EFCAB11: variants seen among roughly 807,000 people sequenced by gnomAD.
EFCAB11 encodes the protein EF-hand calcium binding domain 11.
EFCAB11 carries 14 observed loss-of-function variants against 23.0 expected under a neutral mutation model. The observed-to-expected ratio is 0.61, with a 90% confidence interval of 0.40 to 0.95. The LOEUF (loss-of-function observed/expected upper bound fraction) is 0.95, where lower values mean the gene tolerates loss of function less well. Ranked by LOEUF, EFCAB11 falls within the 40% of genes least tolerant of loss-of-function variation. EFCAB11 has a pLI of 0.00. For synonymous variants in EFCAB11, 65 were observed against 66.6 expected (o/e 0.98, Z 0.11); for missense variants, 198 against 195.8 (o/e 1.01, Z -0.07).
intron 5 of EFCAB11, among the ~76,000 whole-genome samples, chr14:89,922,166 ATATATG>A (rs1890038860): frequency 2.0e-5 from 3 of 152,362 alleles, no homozygotes; most frequent in South Asian, 4.1e-4. Context: ...ATATTCAGCC[ATATATG>A]TAGATGAGGA....
intron 5 of EFCAB11, among the ~76,000 whole-genome samples, chr14:89,815,457 T>G (rs1161805412): frequency 1.3e-5 from 2 of 152,056 alleles, no homozygotes; most frequent in African/African-American, 4.8e-5. Context: ...GACGGAATCT[T>G]GTTCTGTCGC....
chr14:89,880,765 T>C (rs1888574218), intron 5 of EFCAB11, among the ~76,000 whole-genome samples: 2 of 152,212 alleles, frequency 1.3e-5, no homozygotes, highest in Admixed American at 1.3e-4. Context: ...TGCTTGGTAC[T>C]TATCTTGGTT....
At chr14:89,895,676 A>G (rs1889130148) in intron 5 of EFCAB11, among the ~76,000 whole-genome samples, 1 of 152,248 alleles carries the variant, frequency 6.6e-6, no homozygotes, top group Non-Finnish European at 1.5e-5. Flanking sequence ...TTTAATTTTC[A>G]AGAGCAAAAC....
At chr14:89,846,937 T>G (rs1887448976) in intron 5 of EFCAB11, among the ~76,000 whole-genome samples, 1 of 152,226 alleles carries the variant, frequency 6.6e-6, no homozygotes, top group Non-Finnish European at 1.5e-5. Flanking sequence ...AGGGTCTTGC[T>G]TTCTTCAATC....
intron 5 of EFCAB11, among the ~76,000 whole-genome samples, chr14:89,818,554 T>C (rs900242615): frequency 6.6e-6 from 1 of 152,176 alleles, no homozygotes; most frequent in African/African-American, 2.4e-5. Flanking sequence ...AAAGAAAATA[T>C]ATTTTAAAAA....
intron 3 of EFCAB11, chr14:89,938,123 G>A (rs1890655482): frequency 6.6e-6 from 1 of 152,150 alleles, no homozygotes; most frequent in Non-Finnish European, 1.5e-5. Context: ...AAGGAGTCTA[G>A]CATCTGGCTA....
At chr14:89,934,489 T>C (rs1182745723) in intron 3 of EFCAB11, among the ~76,000 whole-genome samples, 1 of 152,162 alleles carries the variant, frequency 6.6e-6, no homozygotes, top group Non-Finnish European at 1.5e-5. Context: ...AGAGTTGCCA[T>C]TCAGCTGTGT....
At chr14:89,891,627 G>A (rs1387815116) in intron 5 of EFCAB11, among the ~76,000 whole-genome samples, 2 of 152,116 alleles carry the variant, frequency 1.3e-5, no homozygotes, top group Non-Finnish European at 2.9e-5. Flanking sequence ...TATGAGGCCA[G>A]TATAAGCTTG....
chr14:89,854,461 G>A (rs1392878223), intron 5 of EFCAB11, among the ~76,000 whole-genome samples: 3 of 152,008 alleles, frequency 2.0e-5, no homozygotes, highest in African/African-American at 7.2e-5. Context: ...CAACAAAGCC[G>A]CACACAGCCA....
intron 5 of EFCAB11, among the ~76,000 whole-genome samples, chr14:89,850,576 T>C (rs565772604): frequency 1.1e-3 from 173 of 152,346 alleles, no homozygotes; most frequent in African/African-American, 3.6e-3. Context: ...AACTAATAGA[T>C]GATTAAAAAC....
chr14:89,839,961 GA>G (rs1887205602), intron 5 of EFCAB11, among the ~76,000 whole-genome samples: 1 of 152,138 alleles, frequency 6.6e-6, no homozygotes, highest in African/African-American at 2.4e-5. Flanking sequence ...ATTACAACTG[GA>G]TATGAGATGA....
chr14:89,935,562 C>G (rs1052365205), intron 3 of EFCAB11, among the ~76,000 whole-genome samples: 1 of 152,146 alleles, frequency 6.6e-6, no homozygotes, highest in Non-Finnish European at 1.5e-5. Flanking sequence ...AAGGCATATG[C>G]CACCATGCCA....
chr14:89,864,433 CT>C (rs557612337), intron 5 of EFCAB11, among the ~76,000 whole-genome samples: 2 of 150,646 alleles, frequency 1.3e-5, no homozygotes, highest in African/African-American at 4.9e-5. Context: ...TGTTTCCTTC[CT>C]TTTTTTTTCA....
intron 5 of EFCAB11, among the ~76,000 whole-genome samples, chr14:89,885,727 A>AAGAG (rs1187450448): frequency 7.3e-6 from 1 of 137,764 alleles, no homozygotes; most frequent in African/African-American, 2.7e-5. Context: ...GAGAGAGAGA[A>AAGAG]AGAGAGAGAG....
chr14:89,845,934 C>A (rs1887417983), intron 5 of EFCAB11, among the ~76,000 whole-genome samples: 1 of 152,184 alleles, frequency 6.6e-6, no homozygotes, highest in Non-Finnish European at 1.5e-5. Flanking sequence ...CCAGCATCGA[C>A]AGACAGTTTT....
chr14:89,819,303 A>G (rs2140099460), intron 5 of EFCAB11, among the ~76,000 whole-genome samples: 1 of 151,350 alleles, frequency 6.6e-6, no homozygotes, highest in East Asian at 1.9e-4. Flanking sequence ...AATGAAAACT[A>G]ATGTGCAGTG....
At chr14:89,801,742 C>T (rs1885787836) in intron 5 of EFCAB11, among the ~76,000 whole-genome samples, 1 of 152,066 alleles carries the variant, frequency 6.6e-6, no homozygotes, top group African/African-American at 2.4e-5. Flanking sequence ...CACTGTAATC[C>T]CAGCATTTTG....
At chr14:89,855,168 TTC>T (rs955759436) in intron 5 of EFCAB11, among the ~76,000 whole-genome samples, 2 of 149,762 alleles carry the variant, frequency 1.3e-5, no homozygotes, top group African/African-American at 5.1e-5. Flanking sequence ...ATAGGACAGC[TTC>T]TTTTTTTTTT....
At chr14:89,885,363 A>G (rs1054190679) in intron 5 of EFCAB11, among the ~76,000 whole-genome samples, 2 of 152,194 alleles carry the variant, frequency 1.3e-5, no homozygotes, top group Non-Finnish European at 2.9e-5. Flanking sequence ...GATCTAGTCT[A>G]AAGATTCAAT....
Sources: gnomAD v4.1 joint callset for allele counts (sites outside exome capture counted in the v4.1 genomes callset) on GRCh38, gnomAD v4.1.1 for gene constraint, MANE v1.5 for transcripts, NCBI Gene and HGNC (gene_info 2026-07-23, HGNC 2026-07-21) for gene names.